Variants in STRN observed in about 807,000 individuals in gnomAD.
STRN encodes the protein striatin.
In STRN, 53 loss-of-function variants were observed where a neutral mutation model predicts 96.3. That is an observed-to-expected ratio of 0.55 (90% CI 0.44 to 0.69). The LOEUF (loss-of-function observed/expected upper bound fraction) is 0.69. Among genes scored for constraint, STRN ranks in the 30% least tolerant of loss-of-function variants. The pLI is 0.00. For synonymous variants in STRN, 428 were observed against 355.9 expected (o/e 1.20, Z -2.28); for missense variants, 987 against 963.9 (o/e 1.02, Z -0.32).
At chr2:36,853,727 G>A (rs1662937805) in intron 15 of STRN, among the ~76,000 whole-genome samples, 1 of 152,064 alleles carries the variant, frequency 6.6e-6, no homozygotes, top group South Asian at 2.1e-4. Flanking sequence ...AAGCTTGTTT[G>A]GTCCTTTCAT....
intron 10 of STRN, among the ~76,000 whole-genome samples, chr2:36,875,958 C>A (rs1425124336): frequency 6.6e-6 from 1 of 151,416 alleles, no homozygotes; most frequent in Non-Finnish European, 1.5e-5. Flanking sequence ...GCCTGGCTTA[C>A]AAATGATTTT....
intron 1 of STRN, among the ~76,000 whole-genome samples, chr2:36,932,097 T>C (rs187697192): frequency 5.3e-5 from 8 of 151,918 alleles, no homozygotes; most frequent in African/African-American, 1.9e-4. Flanking sequence ...TGGAAATACA[T>C]GCATAAGCCA....
intron 1 of STRN, among the ~76,000 whole-genome samples, chr2:36,947,509 A>C (rs1478059983): frequency 6.7e-6 from 1 of 150,144 alleles, no homozygotes; most frequent in Admixed American, 6.7e-5. Context: ...AAAAAAAGCC[A>C]GTGAATATAA....
intron 7 of STRN, among the ~76,000 whole-genome samples, chr2:36,890,666 T>C (rs1481130501): frequency 6.6e-6 from 1 of 151,856 alleles, no homozygotes; most frequent in Admixed American, 6.6e-5. Flanking sequence ...ATATTTTTAG[T>C]AGAGATGGGG....
At chr2:36,958,649 G>A (rs75557665) in intron 1 of STRN, among the ~76,000 whole-genome samples, 2,482 of 152,188 alleles carry the variant, frequency 0.016, 71 homozygotes, top group African/African-American at 0.057. Context: ...TAAAAAGATG[G>A]AAAATACAGA....
intron 3 of STRN, among the ~76,000 whole-genome samples, chr2:36,909,405 AG>A (rs1467448653): frequency 6.6e-6 from 1 of 152,180 alleles, no homozygotes; most frequent in Non-Finnish European, 1.5e-5. Flanking sequence ...CTGTCAAATT[AG>A]GGTAACAGAC....
At chr2:36,871,935 A>G (rs1668771352) in intron 10 of STRN, among the ~76,000 whole-genome samples, 1 of 152,254 alleles carries the variant, frequency 6.6e-6, no homozygotes, top group Non-Finnish European at 1.5e-5. Flanking sequence ...AACATAAAAT[A>G]CATCATCCAA....
At chr2:36,924,827 T>C (rs1403969862) in intron 2 of STRN, among the ~76,000 whole-genome samples, 1 of 151,972 alleles carries the variant, frequency 6.6e-6, no homozygotes, top group Non-Finnish European at 1.5e-5. Flanking sequence ...GAGGCCGAGG[T>C]GGGCAGATCA....
intron 12 of STRN, among the ~76,000 whole-genome samples, chr2:36,866,592 T>C (rs781556705): frequency 1.3e-5 from 2 of 152,208 alleles, no homozygotes; most frequent in Non-Finnish European, 1.5e-5. Flanking sequence ...CCGAATATTT[T>C]AGTTTTCTGC....
At chr2:36,965,687 TA>T (rs1220709536) in intron 1 of STRN, among the ~76,000 whole-genome samples, 2 of 151,886 alleles carry the variant, frequency 1.3e-5, no homozygotes, top group Non-Finnish European at 2.9e-5. Flanking sequence ...TTTACATATA[TA>T]AAAAAAGGGA....
At position 36,928,801 on chromosome 2, in the gene STRN, T is replaced by C. The variant is rs560336995; in HGVS notation, c.235-3593A>G. ...CTACTAAAAATACAAAAAAAAAAAT[T>C]AGCCGGGCGTGGTGGCAGGTGCCTG... On this transcript the variant is annotated intron_variant, in intron 1 of 17. Coordinates refer to ENST00000263918, the MANE Select transcript of STRN (RefSeq NM_003162.4). Among the ~76,000 whole-genome samples the C allele has an allele frequency of 4.0e-5, 6 of 149,866 alleles. No individual in the cohort carries two copies. The East Asian group carries it at 1.2e-3, about 30-fold the overall frequency.
intron 1 of STRN, among the ~76,000 whole-genome samples, chr2:36,933,059 T>TAC (rs61245812): frequency 0.31 from 45,382 of 147,898 alleles, 7,077 homozygotes; most frequent in East Asian, 0.49. Flanking sequence ...TTTTTTAATT[T>TAC]ACACACACAC....
chr2:36,935,308 T>C (rs529422437), intron 1 of STRN, among the ~76,000 whole-genome samples: 7 of 152,296 alleles, frequency 4.6e-5, no homozygotes, highest in Middle Eastern at 6.8e-3. Context: ...TTATTTTCTA[T>C]TTAAAAACAA....
At chr2:36,868,104 A>C (rs576061332) in intron 11 of STRN, among the ~76,000 whole-genome samples, 2 of 152,336 alleles carry the variant, frequency 1.3e-5, no homozygotes, top group South Asian at 4.1e-4. Context: ...ATTTGACTAA[A>C]GGGAAAGACA....
At chr2:36,877,817 G>A in intron 10 of STRN, 74 bp downstream of exon 10, 2 of 1,559,694 alleles carry the variant, frequency 1.3e-6, no homozygotes, top group East Asian at 2.3e-5. Flanking sequence ...TTACAGGCGT[G>A]AGCCACCGCA....
At chr2:36,896,531 C>A (rs1669544250) in intron 6 of STRN, among the ~76,000 whole-genome samples, 1 of 152,198 alleles carries the variant, frequency 6.6e-6, no homozygotes, top group African/African-American at 2.4e-5. Flanking sequence ...CTTCGATGAG[C>A]TTATAAATCA....
At chr2:36,919,653 A>G (rs1299602903) in intron 2 of STRN, among the ~76,000 whole-genome samples, 2 of 152,242 alleles carry the variant, frequency 1.3e-5, no homozygotes, top group African/African-American at 4.8e-5. Context: ...CAGAATTATC[A>G]TATTTGTGTT....
At chr2:36,959,615 G>T (rs1045382995) in intron 1 of STRN, among the ~76,000 whole-genome samples, 1 of 152,070 alleles carries the variant, frequency 6.6e-6, no homozygotes, top group Non-Finnish European at 1.5e-5. Context: ...AGAAGGAGGT[G>T]ATTCAAATTA....
At chr2:36,889,858 CT>C (rs1397779624) in intron 7 of STRN, among the ~76,000 whole-genome samples, 1 of 152,106 alleles carries the variant, frequency 6.6e-6, no homozygotes, top group Non-Finnish European at 1.5e-5. Context: ...CAGCACACTA[CT>C]AAAGAAGGAG....
Sources: gnomAD v4.1 joint callset for allele counts (sites outside exome capture counted in the v4.1 genomes callset) on GRCh38, gnomAD v4.1.1 for gene constraint, MANE v1.5 for transcripts, NCBI Gene and HGNC (gene_info 2026-07-23, HGNC 2026-07-21) for gene names.